The following DENND1A variants were observed in gnomAD, a reference collection of about 807,000 sequenced individuals.
The protein encoded by DENND1A is DENN domain containing 1A.
A neutral mutation model predicts 113.7 loss-of-function variants in DENND1A; 51 were observed. The ratio of observed to expected loss-of-function variants is 0.45; its 90% CI spans 0.36 to 0.57. The LOEUF (loss-of-function observed/expected upper bound fraction) is 0.57, where lower values mean the gene tolerates loss of function less well. DENND1A is among the 20% of genes least tolerant of loss of function. DENND1A has a pLI of 0.00. For missense variants in DENND1A, 1,258 were observed against 1,395.9 expected (o/e 0.90, Z 1.57); for synonymous variants, 565 against 570.8 (o/e 0.99, Z 0.14).
intron 19 of DENND1A, among the ~76,000 whole-genome samples, chr9:123,420,298 C>T (rs2131769378): frequency 6.6e-6 from 1 of 152,274 alleles, no homozygotes; most frequent in South Asian, 2.1e-4. Flanking sequence ...AAGCCCCTTG[C>T]CCAAAGGCAC....
chr9:123,713,818 C>T (rs551820380), intron 5 of DENND1A, among the ~76,000 whole-genome samples: 28 of 152,084 alleles, frequency 1.8e-4, no homozygotes, highest in South Asian at 1.0e-3. Flanking sequence ...ATTCCATCAA[C>T]AGAAACACTG....
intron 13 of DENND1A, among the ~76,000 whole-genome samples, chr9:123,513,569 G>T (rs892192600): frequency 6.6e-6 from 1 of 152,206 alleles, no homozygotes; most frequent in African/African-American, 2.4e-5. Flanking sequence ...GGGAAGAGCC[G>T]CTGGGTGTCA....
intron 19 of DENND1A, chr9:123,414,453 G>A (rs926470106): frequency 9.5e-6 from 14 of 1,481,268 alleles, no homozygotes; most frequent in Admixed American, 2.6e-5. Context: ...GTGGAAGGCC[G>A]GCATCTCACA....
chr9:123,638,878 T>C (rs2061858534), intron 9 of DENND1A, among the ~76,000 whole-genome samples: 1 of 151,824 alleles, frequency 6.6e-6, no homozygotes. Flanking sequence ...TCATAATTTA[T>C]GTTTAGCTAA....
chr9:123,824,415 C>T (rs1838983628), intron 2 of DENND1A, among the ~76,000 whole-genome samples: 4 of 152,160 alleles, frequency 2.6e-5, no homozygotes, highest in Non-Finnish European at 5.9e-5. Context: ...AACATAATAT[C>T]TCAGTAGTTG....
At chr9:123,675,358 G>C (rs1050434451) in intron 6 of DENND1A, among the ~76,000 whole-genome samples, 1 of 152,128 alleles carries the variant, frequency 6.6e-6, no homozygotes, top group East Asian at 1.9e-4. Flanking sequence ...AAGCACAGGC[G>C]ACCCAGGTTT....
intron 2 of DENND1A, among the ~76,000 whole-genome samples, chr9:123,802,767 A>G (rs1321110129): frequency 6.6e-6 from 1 of 150,948 alleles, no homozygotes; most frequent in East Asian, 1.9e-4. Context: ...CAATGGCGCG[A>G]TCTCGGCTCA....
At chr9:123,748,410 T>C (rs2069713721) in intron 5 of DENND1A, among the ~76,000 whole-genome samples, 1 of 152,360 alleles carries the variant, frequency 6.6e-6, no homozygotes, top group East Asian at 1.9e-4. Flanking sequence ...GCTAGAATTG[T>C]AGAGTCTTCA....
chr9:123,419,113 G>A (rs968997311), intron 19 of DENND1A, among the ~76,000 whole-genome samples: 15 of 152,268 alleles, frequency 9.9e-5, no homozygotes, highest in Non-Finnish European at 1.6e-4. Context: ...GTATAGGTGA[G>A]AAAATAGAAT....
chr9:123,834,061 A>C (rs1840698721), intron 2 of DENND1A, among the ~76,000 whole-genome samples: 1 of 152,242 alleles, frequency 6.6e-6, no homozygotes, highest in East Asian at 1.9e-4. Context: ...TCTCAAAAAA[A>C]ACAGGCTCAA....
intron 13 of DENND1A, among the ~76,000 whole-genome samples, chr9:123,540,568 T>C (rs563313969): frequency 6.6e-6 from 1 of 152,176 alleles, no homozygotes; most frequent in Non-Finnish European, 1.5e-5. Context: ...AAAGAAGTGA[T>C]GAGTTCCTTT....
intron 11 of DENND1A, among the ~76,000 whole-genome samples, chr9:123,598,006 G>A (rs555023924): frequency 1.4e-4 from 21 of 152,232 alleles, no homozygotes; most frequent in African/African-American, 4.1e-4. Flanking sequence ...TAATGAAATC[G>A]CCAAGATTTA....
intron 21 of DENND1A, among the ~76,000 whole-genome samples, chr9:123,394,468 A>G (rs542929250): frequency 3.3e-5 from 5 of 152,280 alleles, no homozygotes; most frequent in African/African-American, 9.6e-5. Context: ...GGGGTGGTGC[A>G]AGGCCTTGGG....
At chr9:123,527,694 C>G (rs776891944) in intron 13 of DENND1A, among the ~76,000 whole-genome samples, 1 of 152,190 alleles carries the variant, frequency 6.6e-6, no homozygotes, top group Non-Finnish European at 1.5e-5. Flanking sequence ...TTGTCATTTT[C>G]TGCACTGGTC....
At chr9:123,420,788 A>G (rs1347292238) in intron 19 of DENND1A, among the ~76,000 whole-genome samples, 1 of 149,504 alleles carries the variant, frequency 6.7e-6, no homozygotes, top group Non-Finnish European at 1.5e-5. Flanking sequence ...GCTGAACAAA[A>G]GCAGCGAGGC....
At chr9:123,818,519 TACACACACACACAC>T (rs1215014185) in intron 2 of DENND1A, among the ~76,000 whole-genome samples, 4 of 112,242 alleles carry the variant, frequency 3.6e-5, no homozygotes, top group Non-Finnish European at 5.2e-5. Context: ...TACATACATA[TACACACACACACAC>T]ACACACACAC....
chr9:123,621,607 G>A (rs927796643), intron 10 of DENND1A, among the ~76,000 whole-genome samples: 1 of 152,140 alleles, frequency 6.6e-6, no homozygotes, highest in East Asian at 1.9e-4. Flanking sequence ...TGTGTCAGTA[G>A]TAATCACTAT....
rs190579702 is a variant in DENND1A, at chr9:123,479,291, G to A, written c.994-21394C>T. On this transcript the variant is annotated intron_variant, in intron 13 of 23. Coordinates refer to ENST00000394215, the MANE Select transcript of DENND1A (RefSeq NM_001352964.2). ...TCACCAACATGATCGCCTCTCATTT[G>A]CTCTTGATGAGAGGAGCTACAAGGA... Among the ~76,000 whole-genome samples, 509 of 152,312 alleles carry A rather than the reference G, an allele frequency of 3.3e-3. 5 individuals are homozygous for A. Among genetic ancestry groups the A allele is most frequent in the Non-Finnish European group, 4.6e-3 (311 of 68,024 alleles).
intron 18 of DENND1A, among the ~76,000 whole-genome samples, chr9:123,448,243 G>A (rs566971160): frequency 6.6e-6 from 1 of 152,298 alleles, no homozygotes; most frequent in South Asian, 2.1e-4. Flanking sequence ...GAAGGAAAGT[G>A]ATCTAGATTG....
Sources: gnomAD v4.1 joint callset for allele counts (sites outside exome capture counted in the v4.1 genomes callset) on GRCh38, gnomAD v4.1.1 for gene constraint, MANE v1.5 for transcripts, NCBI Gene and HGNC (gene_info 2026-07-23, HGNC 2026-07-21) for gene names.